USP15: variants seen among roughly 807,000 people sequenced by gnomAD.
USP15 encodes ubiquitin specific peptidase 15, also known as ubiquitin carboxyl-terminal hydrolase 15.
Under a neutral mutation model 127.1 loss-of-function variants are expected in USP15, and 18 were observed. The ratio of observed to expected loss-of-function variants is 0.14; its 90% confidence interval spans 0.10 to 0.21. The LOEUF (loss-of-function observed/expected upper bound fraction) is 0.21, where lower values mean the gene tolerates loss of function less well. Among genes scored for constraint, USP15 ranks in the 10% least tolerant of loss-of-function variants. The pLI is 1.00. For missense variants in USP15, 805 were observed against 1,159.9 expected (o/e 0.69, Z 4.44); for synonymous variants, 364 against 393.7 (o/e 0.92, Z 0.89).
chr12:62,316,283 C>CAA (rs146374195), intron 4 of USP15, among the ~76,000 whole-genome samples: 5,716 of 85,018 alleles, frequency 0.067, 159 homozygotes, highest in Middle Eastern at 0.18. Context: ...GACTTTATCT[C>CAA]AAAAAAAAAA....
chr12:62,336,766 G>A (rs1380692663), intron 6 of USP15: 1 of 154,806 alleles, frequency 6.5e-6, no homozygotes, highest in Non-Finnish European at 1.4e-5. Context: ...ATATTCTTCT[G>A]CATTTAATTT....
chr12:62,283,875 G>C (rs551454065), intron 1 of USP15, among the ~76,000 whole-genome samples: 25 of 152,318 alleles, frequency 1.6e-4, no homozygotes, highest in Non-Finnish European at 3.2e-4. Flanking sequence ...CTGGGAAGTG[G>C]AGGTTGCAGT....
At chr12:62,329,326 G>A (rs1472321718) in intron 6 of USP15, among the ~76,000 whole-genome samples, 3 of 152,144 alleles carry the variant, frequency 2.0e-5, no homozygotes, top group African/African-American at 7.2e-5. Flanking sequence ...AGCCAAGATC[G>A]TGCCACTGCA....
At chr12:62,384,785 T>C (rs1232115708) in intron 11 of USP15, among the ~76,000 whole-genome samples, 2 of 151,802 alleles carry the variant, frequency 1.3e-5, no homozygotes, top group Non-Finnish European at 3.0e-5. Flanking sequence ...TAAAAATATT[T>C]TGTTCAGTGA....
intron 20 of USP15, among the ~76,000 whole-genome samples, chr12:62,399,917 C>T (rs2067625191): frequency 6.6e-6 from 1 of 152,120 alleles, no homozygotes; most frequent in African/African-American, 2.4e-5. Context: ...CAAAGTATTG[C>T]CATTCCCTCT....
chr12:62,264,127 G>A (rs940347433), intron 1 of USP15, among the ~76,000 whole-genome samples: 2 of 152,136 alleles, frequency 1.3e-5, no homozygotes, highest in African/African-American at 4.8e-5. Flanking sequence ...TGGGCCTGCA[G>A]GCACATGCCA....
chr12:62,313,377 AT>A (rs1351319265), intron 3 of USP15, among the ~76,000 whole-genome samples: 1 of 151,618 alleles, frequency 6.6e-6, no homozygotes, highest in African/African-American at 2.4e-5. Flanking sequence ...AACCATACTT[AT>A]TCCTTTTCCT....
chr12:62,370,052 G>A (rs1396268352), intron 8 of USP15, among the ~76,000 whole-genome samples: 1 of 152,098 alleles, frequency 6.6e-6, no homozygotes, highest in Admixed American at 6.5e-5. Flanking sequence ...TCAGCTTACT[G>A]CAACCTCTGC....
intron 2 of USP15, among the ~76,000 whole-genome samples, chr12:62,301,203 G>A (rs1565833218): frequency 6.6e-6 from 1 of 152,116 alleles, no homozygotes; most frequent in South Asian, 2.1e-4. Context: ...TGGCAAGATT[G>A]TAGAGGAAGT....
intron 8 of USP15, among the ~76,000 whole-genome samples, chr12:62,371,966 G>A (rs576499431): frequency 1.3e-5 from 2 of 152,108 alleles, no homozygotes; most frequent in East Asian, 1.9e-4. Flanking sequence ...AGGAGATAAC[G>A]CTTACTAAAT....
At chr12:62,287,863 A>G (rs2063829434) in intron 1 of USP15, among the ~76,000 whole-genome samples, 2 of 152,000 alleles carry the variant, frequency 1.3e-5, no homozygotes, top group Non-Finnish European at 2.9e-5. Flanking sequence ...TTCCCAGCGA[A>G]TGTTTTTGTC....
intron 11 of USP15, among the ~76,000 whole-genome samples, chr12:62,386,168 G>T (rs1328329898): frequency 2.1e-5 from 3 of 145,296 alleles, no homozygotes; most frequent in South Asian, 2.1e-4. Flanking sequence ...TGTGTTTTGT[G>T]TTTTTTTTTT....
At chr12:62,379,074 G>A (rs966272982) in intron 8 of USP15, among the ~76,000 whole-genome samples, 1 of 151,868 alleles carries the variant, frequency 6.6e-6, no homozygotes, top group Non-Finnish European at 1.5e-5. Context: ...TATCAAATAA[G>A]TGCTGTAATA....
intron 1 of USP15, among the ~76,000 whole-genome samples, chr12:62,275,735 T>G (rs1308793167): frequency 6.6e-6 from 1 of 152,042 alleles, no homozygotes; most frequent in African/African-American, 2.4e-5. Flanking sequence ...GCAAAAATTA[T>G]TGGCCTGGGA....
intron 12 of USP15, 35 bp from the exon 13 acceptor site, chr12:62,389,570 T>G: frequency 6.2e-7 from 1 of 1,610,106 alleles, no homozygotes; most frequent in East Asian, 2.2e-5. Flanking sequence ...CTCAGTGCTG[T>G]AAAACCAGCT....
At chr12:62,350,993 C>G (rs2065951675) in intron 7 of USP15, among the ~76,000 whole-genome samples, 1 of 151,854 alleles carries the variant, frequency 6.6e-6, no homozygotes, top group African/African-American at 2.4e-5. Flanking sequence ...CATGAAAAAC[C>G]CCATTTGCTT....
At position 62,409,803 on chromosome 12, in the gene USP15, C is replaced by G. The variant is rs1487175757; in HGVS notation, c.*5428C>G. On this transcript the variant is annotated 3_prime_UTR_variant, in exon 22 of 22. Transcript: ENST00000280377. ...CATTTCCCAAGCTGTTGTTTTAAAC[C>G]TTAAACATCACCACATTTCTAATTT... 6.6e-6 allele frequency: 1 copy of G among 151,906 alleles called. No homozygotes were observed. Among genetic ancestry groups the G allele is most frequent in the African/African-American group, 2.4e-5 (1 of 41,286 alleles). 9.4% of individuals were successfully genotyped at this position (151,906 alleles called of 1,614,324 possible).
At chr12:62,260,984 C>T (rs1366074524) in intron 1 of USP15, among the ~76,000 whole-genome samples, 1 of 152,108 alleles carries the variant, frequency 6.6e-6, no homozygotes, top group Non-Finnish European at 1.5e-5. Context: ...GGGAGGCAGG[C>T]TGCAGGATGT....
At chr12:62,395,252 T>C (rs1276780338) in intron 19 of USP15, among the ~76,000 whole-genome samples, 3 of 152,212 alleles carry the variant, frequency 2.0e-5, no homozygotes, top group Non-Finnish European at 4.4e-5. Flanking sequence ...AAAGATCTAC[T>C]GGACCCAGAT....
Sources: allele counts gnomAD v4.1 joint callset (sites outside exome capture counted in the v4.1 genomes callset), GRCh38; gene constraint gnomAD v4.1.1; transcripts MANE v1.5; gene names NCBI Gene and HGNC (gene_info 2026-07-23, HGNC 2026-07-21).